Variants in CDH12 observed in about 807,000 individuals in gnomAD.
The protein encoded by CDH12 is cadherin 12.
CDH12 carries 41 observed loss-of-function variants against 74.1 expected under a neutral mutation model. That is an observed-to-expected ratio of 0.55 (90% CI 0.43 to 0.72). The LOEUF (loss-of-function observed/expected upper bound fraction) is 0.72. Among genes scored for constraint, CDH12 ranks in the 30% least tolerant of loss-of-function variants. The probability of loss-of-function intolerance (pLI) is 0.00; values close to 1 mark genes in which losing one functional copy is unlikely to be tolerated. For missense variants in CDH12, 945 were observed against 977.2 expected (o/e 0.97, Z 0.44); for synonymous variants, 399 against 355.0 (o/e 1.12, Z -1.39).
intron 1 of CDH12, among the ~76,000 whole-genome samples, chr5:22,581,894 T>C (rs1181871045): frequency 2.0e-5 from 3 of 152,200 alleles, no homozygotes; most frequent in Non-Finnish European, 2.9e-5. Context: ...AACATTTCTA[T>C]GAAAAAATAG....
At chr5:22,460,419 G>A (rs1178697523) in intron 2 of CDH12, among the ~76,000 whole-genome samples, 3 of 151,970 alleles carry the variant, frequency 2.0e-5, no homozygotes, top group African/African-American at 7.3e-5. Context: ...TAAATAAAAA[G>A]CATGTTTCTG....
intron 2 of CDH12, among the ~76,000 whole-genome samples, chr5:22,449,889 G>A (rs949770812): frequency 6.6e-6 from 1 of 151,844 alleles, no homozygotes; most frequent in Non-Finnish European, 1.5e-5. Flanking sequence ...TTATTGATAT[G>A]GACAATGTTG....
At chr5:22,106,980 G>A (rs140534839) in intron 4 of CDH12, among the ~76,000 whole-genome samples, 3 of 152,122 alleles carry the variant, frequency 2.0e-5, no homozygotes, top group Non-Finnish European at 4.4e-5. Flanking sequence ...AAAGGAAGGT[G>A]TTTTTGTTCA....
chr5:22,247,017 G>T (rs1289552371), intron 3 of CDH12, among the ~76,000 whole-genome samples: 2 of 152,074 alleles, frequency 1.3e-5, no homozygotes, highest in Non-Finnish European at 2.9e-5. Context: ...CCTCACTTAT[G>T]TAAATACAAA....
intron 7 of CDH12, among the ~76,000 whole-genome samples, chr5:21,851,718 C>A (rs1003162020): frequency 3.3e-5 from 5 of 151,196 alleles, no homozygotes; most frequent in African/African-American, 1.2e-4. Context: ...TGGTTTATTT[C>A]ATGGAATAAA....
intron 2 of CDH12, among the ~76,000 whole-genome samples, chr5:22,470,848 G>A (rs1336502307): frequency 7.7e-6 from 1 of 129,966 alleles, no homozygotes; most frequent in African/African-American, 2.9e-5. Context: ...ATACTCTCCT[G>A]GCAAAACCTT....
intron 4 of CDH12, among the ~76,000 whole-genome samples, chr5:22,186,941 T>G (rs1030371614): frequency 1.3e-5 from 2 of 152,178 alleles, no homozygotes; most frequent in African/African-American, 4.8e-5. Flanking sequence ...TAACTGTAAA[T>G]TTCTTGAAGA....
chr5:22,772,715 C>T (rs545083317), intron 1 of CDH12, among the ~76,000 whole-genome samples: 2 of 151,940 alleles, frequency 1.3e-5, no homozygotes, highest in South Asian at 2.1e-4. Context: ...GAAACCATGC[C>T]TGATTTGTAT....
chr5:21,889,528 T>G (rs1752800573), intron 6 of CDH12: 1 of 912,258 alleles, frequency 1.1e-6, no homozygotes, highest in Admixed American at 6.2e-5. Context: ...TCCAATGTTC[T>G]GAAGCTAGAC....
chr5:21,817,163 G>A (rs1428337521), intron 8 of CDH12, 31 bp from the exon 9 acceptor site: 1 of 1,468,120 alleles, frequency 6.8e-7, no homozygotes, highest in Admixed American at 1.8e-5. Flanking sequence ...TGAATTGACA[G>A]TGGGGTTAGT....
chr5:21,839,171 C>T (rs531437791), intron 8 of CDH12, among the ~76,000 whole-genome samples: 30 of 152,196 alleles, frequency 2.0e-4, no homozygotes, highest in South Asian at 1.2e-3. Flanking sequence ...TTTTTAGTGT[C>T]GAGATCATAT....
chr5:22,202,223 C>T (rs1204685205), intron 4 of CDH12, among the ~76,000 whole-genome samples: 1 of 132,322 alleles, frequency 7.6e-6, no homozygotes, highest in African/African-American at 2.8e-5. Flanking sequence ...TAGTTACTAC[C>T]TCTGTGACAG....
At chr5:22,555,579 A>T (rs1738766270) in intron 1 of CDH12, among the ~76,000 whole-genome samples, 1 of 151,988 alleles carries the variant, frequency 6.6e-6, no homozygotes, top group African/African-American at 2.4e-5. Flanking sequence ...CATGGATTTT[A>T]AATATAAAAT....
chr5:22,086,014 G>A (rs1580225984), intron 4 of CDH12, among the ~76,000 whole-genome samples: 1 of 152,268 alleles, frequency 6.6e-6, no homozygotes, highest in Admixed American at 6.5e-5. Context: ...TTGGGAATGA[G>A]CATACATCCC....
intron 1 of CDH12, among the ~76,000 whole-genome samples, chr5:22,740,911 G>A (rs990698273): frequency 1.3e-5 from 2 of 152,046 alleles, no homozygotes; most frequent in African/African-American, 2.4e-5. Context: ...TGAACATTGA[G>A]ATATTGTTAA....
At chr5:22,796,072 T>C (rs1661985) in intron 1 of CDH12, among the ~76,000 whole-genome samples, 10,193 of 152,204 alleles carry the variant, frequency 0.067, 1,132 homozygotes, top group African/African-American at 0.23. Flanking sequence ...ATATGAACCA[T>C]ATTTTTTAAA....
chr5:22,795,503 T>G (rs1748148493), intron 1 of CDH12, among the ~76,000 whole-genome samples: 1 of 151,892 alleles, frequency 6.6e-6, no homozygotes, highest in African/African-American at 2.4e-5. Context: ...ATATATCTCA[T>G]GTATGTGTGT....
At chr5:22,579,176 C>A (rs961522283) in intron 1 of CDH12, among the ~76,000 whole-genome samples, 1 of 152,068 alleles carries the variant, frequency 6.6e-6, no homozygotes, top group African/African-American at 2.4e-5. Flanking sequence ...ATATGAGATC[C>A]ATCTAATTTA....
At chr5:22,043,447 AAC>A (rs1739711906) in intron 5 of CDH12, among the ~76,000 whole-genome samples, 1 of 152,194 alleles carries the variant, frequency 6.6e-6, no homozygotes, top group Non-Finnish European at 1.5e-5. Flanking sequence ...TATATAGCTC[AAC>A]ACAGTCAAAA....
Sources: gnomAD v4.1 joint callset for allele counts (sites outside exome capture counted in the v4.1 genomes callset) on GRCh38, gnomAD v4.1.1 for gene constraint, MANE v1.5 for transcripts, NCBI Gene and HGNC (gene_info 2026-07-23, HGNC 2026-07-21) for gene names.